PROM1: variants seen among roughly 807,000 people sequenced by gnomAD.
PROM1 encodes prominin 1, also known as prominin-1.
PROM1 carries 105 observed loss-of-function variants against 116.9 expected under a neutral mutation model. That is an observed-to-expected ratio of 0.90 (90% CI 0.77 to 1.06). The LOEUF (loss-of-function observed/expected upper bound fraction) is 1.06. Ranked by LOEUF, PROM1 falls within the 50% of genes least tolerant of loss-of-function variation. The pLI, the probability that PROM1 is intolerant of heterozygous loss-of-function variation, is 0.00. For missense variants in PROM1, 1,122 were observed against 1,045.2 expected, an observed-to-expected ratio of 1.07 and a Z score of -1.01; for synonymous variants, 393 against 387.0, an observed-to-expected ratio of 1.02 and a Z score of -0.18.
At chr4:16,049,324 T>C (rs893823561) in intron 2 of PROM1, among the ~76,000 whole-genome samples, 6 of 152,298 alleles carry the variant, frequency 3.9e-5, no homozygotes, top group Admixed American at 3.9e-4. Context: ...CAAACCCTGT[T>C]CTGTTCTACA....
intron 6 of PROM1, 46 bp from the exon 7 acceptor site, chr4:16,024,404 G>A (rs1730708504): frequency 1.6e-5 from 23 of 1,476,216 alleles, no homozygotes; most frequent in Non-Finnish European, 1.9e-5. Flanking sequence ...AAGGTCCAAA[G>A]GCAATAAGAG....
At chr4:16,026,803 C>T (rs753270352) in intron 5 of PROM1, among the ~76,000 whole-genome samples, 108 of 152,118 alleles carry the variant, frequency 7.1e-4, no homozygotes, top group Non-Finnish European at 1.4e-3. Context: ...TGTAATATAA[C>T]GTTGAGGGAT....
chr4:15,978,017 C>T (rs1716671128), intron 26 of PROM1, among the ~76,000 whole-genome samples: 1 of 152,150 alleles, frequency 6.6e-6, no homozygotes, highest in Non-Finnish European at 1.5e-5. Context: ...AGGCAAAGCC[C>T]TCATTAGTCT....
chr4:15,969,491 G>C (rs1029728), intron 27 of PROM1, 123 bp from the exon 28 acceptor site: 1 of 152,124 alleles, frequency 6.6e-6, no homozygotes, highest in South Asian at 2.1e-4. Flanking sequence ...ATATAAACTC[G>C]TTCAAGAGGC....
chr4:15,980,444 C>A lies in PROM1; in HGVS notation c.2467G>T (p.Asp823Tyr). Residue 823 changes from aspartate to tyrosine, a missense_variant, in exon 24 of 28, where the codon GAT (aspartate) becomes TAT (tyrosine). Asp to Tyr is a radical substitution (Grantham distance 160). Transcript: ENST00000447510. ...VKLAKYYRRM[D>Y]SEDVYDDVET... ...TACTCATCGTACACGTCCTCCGAAT[C>A]CATTCGACGATAGTACTTAGCCAGT... 1 of 1,552,274 alleles carries A rather than the reference C, an allele frequency of 6.4e-7. No individual in the cohort carries two copies. The highest frequency in any genetic ancestry group is 1.2e-5 in the South Asian group (1 of 83,876).
intron 23 of PROM1, among the ~76,000 whole-genome samples, chr4:15,980,759 G>A (rs73230220): frequency 0.075 from 11,471 of 151,942 alleles, 498 homozygotes; most frequent in Non-Finnish European, 0.087. Flanking sequence ...ACCTTGAGTA[G>A]ATCCTATTAT....
rs200730261 is a variant in PROM1, at chr4:15,970,168, CT to C, written c.*25-801del. On this transcript the variant is annotated intron_variant, in intron 27 of 27. Transcript: ENST00000447510. ...CTAAAAAAACACTTTCTTTTCTTTTCTTTTTTTTTTTTTTTGTGATGGAGTC... is the reference window on the plus strand; with the variant it reads ...CTAAAAAAACACTTTCTTTTCTTTTCTTTTTTTTTTTTTTGTGATGGAGTC... Among the ~76,000 whole-genome samples, 296 of 139,388 alleles carry C rather than the reference CT, an allele frequency of 2.1e-3. 1 individual carries two copies. The highest frequency in any genetic ancestry group is 4.4e-3 in the South Asian group (19 of 4,366). The allele number at this position is 139,388 out of a possible 152,430, so 91.4% of individuals were successfully genotyped here.
intron 10 of PROM1, 125 bp downstream of exon 10, chr4:16,016,041 T>C: frequency 1.2e-6 from 1 of 817,072 alleles, no homozygotes; most frequent in East Asian, 2.7e-5. Flanking sequence ...GTAATAGCTA[T>C]CACCCTTCTT....
chr4:16,004,805 A>ATCTTTCTTTCTTTCTTTCTT (rs147556972), intron 13 of PROM1, among the ~76,000 whole-genome samples: 7 of 124,982 alleles, frequency 5.6e-5, no homozygotes, highest in East Asian at 2.4e-4. Context: ...CTTGCAGCTA[A>ATCTTTCTTTCTTTCTTTCTT]TCTTTCTTTC....
intron 19 of PROM1, among the ~76,000 whole-genome samples, chr4:15,989,394 A>G (rs1720364669): frequency 6.6e-6 from 1 of 152,204 alleles, no homozygotes; most frequent in South Asian, 2.1e-4. Flanking sequence ...ATATTTCTAG[A>G]CAAAGCTCGG....
At chr4:16,060,331 A>G (rs1740015599) in intron 2 of PROM1, among the ~76,000 whole-genome samples, 1 of 145,266 alleles carries the variant, frequency 6.9e-6, no homozygotes, top group African/African-American at 2.6e-5. Context: ...TTCCTTTGGG[A>G]CAGGGTCTTA....
At chr4:15,984,878 A>T (rs1248772220) in intron 22 of PROM1, among the ~76,000 whole-genome samples, 1 of 152,220 alleles carries the variant, frequency 6.6e-6, no homozygotes, top group African/African-American at 2.4e-5. Flanking sequence ...CCCTTGAATC[A>T]TCCTGAAACT....
intron 26 of PROM1, among the ~76,000 whole-genome samples, chr4:15,978,929 C>T (rs186754464): frequency 2.8e-4 from 42 of 150,670 alleles, no homozygotes; most frequent in South Asian, 6.3e-4. Flanking sequence ...ATAAAGATTT[C>T]GGAGGAATAA....
At chr4:16,004,220 C>A (rs924963970) in intron 13 of PROM1, among the ~76,000 whole-genome samples, 19 of 152,134 alleles carry the variant, frequency 1.2e-4, no homozygotes, top group Non-Finnish European at 2.5e-4. Flanking sequence ...ATCATAGCCA[C>A]CCTAAGTCTG....
At position 16,023,431 on chromosome 4, in the gene PROM1, C is replaced by A; in HGVS notation, c.695-16G>T. On this transcript the variant is annotated splice_polypyrimidine_tract_variant and intron_variant, in intron 7 of 27. Coordinates refer to ENST00000447510, the MANE Select transcript of PROM1 (RefSeq NM_006017.3). Reference sequence around the variant, plus strand: ...GAATTGATACCTACATGCAAATAAGCACAAAGATGGTGAGGGTGGCCTCTG... The same window carrying A: ...GAATTGATACCTACATGCAAATAAGAACAAAGATGGTGAGGGTGGCCTCTG... 3.8e-6 allele frequency: 6 copies of A among 1,565,766 alleles called. No individual in the cohort carries two copies. The highest frequency in any genetic ancestry group is 5.2e-6 in the Non-Finnish European group (6 of 1,146,574).
At chr4:16,066,126 C>A (rs1741476491) in intron 2 of PROM1, among the ~76,000 whole-genome samples, 3 of 152,130 alleles carry the variant, frequency 2.0e-5, no homozygotes, top group Admixed American at 6.5e-5. Context: ...AGACTTCCTG[C>A]CTACAGAACC....
intron 8 of PROM1, among the ~76,000 whole-genome samples, chr4:16,022,052 C>G (rs894133194): frequency 6.8e-6 from 1 of 147,968 alleles, no homozygotes; most frequent in African/African-American, 2.5e-5. Context: ...GGACAGGGGC[C>G]AGGTGTGCAA....
intron 13 of PROM1, among the ~76,000 whole-genome samples, chr4:16,002,933 G>A (rs1451814835): frequency 6.6e-6 from 1 of 152,224 alleles, no homozygotes; most frequent in South Asian, 2.1e-4. Context: ...AAAGGAGGAA[G>A]AGGAGGGGGA....
intron 10 of PROM1, among the ~76,000 whole-genome samples, chr4:16,015,006 A>C (rs1490403730): frequency 6.6e-5 from 10 of 152,208 alleles, no homozygotes; most frequent in African/African-American, 2.4e-4. Context: ...GAATGTATTA[A>C]AAAGGGTTTG....
Sources: gnomAD v4.1 joint callset for allele counts (sites outside exome capture counted in the v4.1 genomes callset) on GRCh38, gnomAD v4.1.1 for gene constraint, MANE v1.5 for transcripts, NCBI Gene and HGNC (gene_info 2026-07-23, HGNC 2026-07-21) for gene names.